IRF1: variants seen among roughly 807,000 people sequenced by gnomAD.
The protein encoded by IRF1 is interferon regulatory factor-1.
Under a neutral mutation model 43.7 loss-of-function variants are expected in IRF1, and 13 were observed. The observed-to-expected ratio is 0.30, with a 90% CI of 0.19 to 0.47. The LOEUF is 0.47. Among genes scored for constraint, IRF1 ranks in the 20% least tolerant of loss-of-function variants. The pLI is 0.99. For missense variants in IRF1, 236 were observed against 408.9 expected (o/e 0.58, Z 3.65); for synonymous variants, 138 against 146.8 (o/e 0.94, Z 0.43).
Position 132,486,358 on chromosome 5 carries a change from G to C in IRF1, c.560C>G (p.Ala187Gly). The change falls in exon 7 of 10, where the codon GCT becomes GGT. Residue 187 changes from alanine (A) to glycine (G), a missense_variant. Around this residue, in one of 2 missense-constraint regions of IRF1, gnomAD observed 170 missense variants for 251.8 expected, o/e 0.68. Transcript: ENST00000245414. ...CCAGTCGGGGAGAGTGCTGCTGACA[G>C]CACATGGCGACAGTGCTGGGGAACA... Reference protein sequence around the residue: ...QALTPALSPCAVSSTLPDWHI... With the variant: ...QALTPALSPCGVSSTLPDWHI... The C allele has an allele frequency of 6.2e-7, 1 of 1,612,270 alleles. No homozygotes were observed. Among genetic ancestry groups the C allele is most frequent in the Non-Finnish European group, 8.5e-7 (1 of 1,179,970 alleles).
intron 1 of IRF1, 96 bp from the exon 2 acceptor site, chr5:132,489,579 C>T: frequency 2.3e-6 from 2 of 868,776 alleles, no homozygotes; most frequent in South Asian, 2.7e-5. Context: ...ACCCTCCCCT[C>T]ACCTCAGCCA....
chr5:132,489,504 C>CT, intron 1 of IRF1, 21 bp from the exon 2 acceptor site: 1 of 1,601,004 alleles, frequency 6.2e-7, no homozygotes, highest in East Asian at 2.2e-5. Flanking sequence ...AACACAGAGG[C>CT]TCCAGTCTGG....
At chr5:132,488,371 A>C in intron 2 of IRF1, 1 of 244,378 alleles carries the variant, frequency 4.1e-6, no homozygotes, top group Middle Eastern at 1.5e-3. Flanking sequence ...AAGCACCCAC[A>C]TGGAAGTAAG....
At position 132,485,660 on chromosome 5, in the gene IRF1, G is replaced by A; in HGVS notation, c.717+7C>T. ...TTCAAGAGTGCCCAGGTAGGAAGGG[G>A]CTTTACCTTCATGATGTCCTCAGGT... is the stretch of plus-strand genomic sequence containing the variant. On this transcript the variant is annotated splice_region_variant and intron_variant, in intron 8 of 9. Transcript: ENST00000245414. The A allele has an allele frequency of 6.2e-7, 1 of 1,608,070 alleles. No homozygotes were observed. The highest frequency in any genetic ancestry group is 8.5e-7 in the Non-Finnish European group (1 of 1,174,528).
At chr5:132,489,108 T>C (rs571833697) in intron 2 of IRF1, 1 of 366,410 alleles carries the variant, frequency 2.7e-6, no homozygotes, top group African/African-American at 2.1e-5. Flanking sequence ...GGGTCTCGCT[T>C]AGAGGAGAGC....
At chr5:132,486,769 G>T in intron 5 of IRF1, 26 bp downstream of exon 5, 1 of 1,614,190 alleles carries the variant, frequency 6.2e-7, no homozygotes, top group Non-Finnish European at 8.5e-7. Flanking sequence ...GTGACCAAAG[G>T]CCTGGCTGCT....
chr5:132,488,058 T>C (rs375288471), intron 2 of IRF1, 33 bp from the exon 3 acceptor site: 1 of 1,529,778 alleles, frequency 6.5e-7, no homozygotes, highest in Admixed American at 1.7e-5. Context: ...TAAGGCTGTG[T>C]CAGGTCAGAG....
In IRF1 at chr5:132,486,310, G is replaced by A. The variant is rs146891501; in HGVS notation, c.608C>T (p.Pro203Leu). 24 of 1,613,238 alleles carry A rather than the reference G, an allele frequency of 1.5e-5. No homozygotes were observed. Among genetic ancestry groups the A allele is most frequent in the African/African-American group, 5.3e-5 (4 of 74,932 alleles). ...GTTGTACAGATCACTGGTGCTGTCC[G>A]GCACAACTTCCACTGGGATGTGCCA... is the stretch of plus-strand genomic sequence containing the variant. ...PDWHIPVEVV[P>L]DSTSDLYNFQ... Residue 203 changes from proline to leucine, a missense_variant, in exon 7 of 10, where the codon CCG (proline) becomes CTG (leucine). By Grantham distance (98) the Pro-to-Leu change is moderately conservative. Transcript: ENST00000245414.
At position 132,484,364 on chromosome 5, in the gene IRF1, C is replaced by A. The variant is rs775766689; in HGVS notation, c.851G>T (p.Gly284Val). 29 of 1,613,984 alleles carry A rather than the reference C, an allele frequency of 1.8e-5. No homozygotes were observed. Among genetic ancestry groups the A allele is most frequent in the African/African-American group, 2.7e-5 (2 of 74,912 alleles). The change falls in exon 9 of 10, where the codon GGG (glycine) becomes GTG (valine). Residue 284 changes from glycine to valine, a missense_variant and splice_region_variant. Gly to Val is a moderately radical substitution (Grantham distance 109). Coordinates refer to ENST00000245414, the MANE Select transcript of IRF1 (RefSeq NM_002198.3). ...CKEEPEIDSP[G>V]GDIGLSLQRV... ...ATAAGGATCCAGGGCCTTCTTACCC[C>A]CTGGGCTGTCAATTTCTGGCTCCTC...
At chr5:132,489,320 T>C in intron 2 of IRF1, 72 bp downstream of exon 2, 1 of 1,150,322 alleles carries the variant, frequency 8.7e-7, no homozygotes, top group Non-Finnish European at 1.3e-6. Context: ...TTGAGCTGCA[T>C]CTGAAGCTTT....
At position 132,490,497 on chromosome 5, in the gene IRF1, C is replaced by T. The variant is rs1335549238; in HGVS notation, c.-6+48G>A. On this transcript the variant is annotated intron_variant, in intron 1 of 9. Coordinates refer to ENST00000245414, the MANE Select transcript of IRF1 (RefSeq NM_002198.3). This position sits in a 1 kb window ranked among gnomAD's most constrained non-coding sequence, Gnocchi z 5.8. ...CCCCCACTTCCTGGTGCCCCGCGCG[C>T]CTTTTATTCGACGCCGCCGGTGCCC... 1.3e-5 allele frequency: 2 copies of T among 151,848 alleles called. No homozygotes were observed. The highest frequency in any genetic ancestry group is 2.9e-5 in the Non-Finnish European group (2 of 67,950). 9.4% of individuals were successfully genotyped at this position (151,848 alleles called of 1,614,324 possible).
intron 8 of IRF1, 167 bp downstream of exon 8, chr5:132,485,500 G>A: frequency 1.4e-6 from 1 of 702,572 alleles, no homozygotes. Flanking sequence ...CCTTCCCATG[G>A]TGGCTTTCCC....
intron 8 of IRF1, chr5:132,484,786 AG>A (rs1754475498): frequency 5.8e-6 from 2 of 346,114 alleles, no homozygotes; most frequent in Non-Finnish European, 1.1e-5. Flanking sequence ...ACATAGTAAG[AG>A]GGAATGTGGC....
In IRF1 at chr5:132,489,496, C is replaced by G; in HGVS notation, c.-5-13G>C. The G allele has an allele frequency of 6.2e-7, 1 of 1,607,824 alleles. No homozygotes were observed. Among genetic ancestry groups the G allele is most frequent in the Non-Finnish European group, 8.5e-7 (1 of 1,174,462 alleles). Reference sequence around the variant, plus strand: ...ATGGGCATGTTGGCTGTAAAGAGAACACAGAGGCTCCAGTCTGGAATCTGT... The same window carrying G: ...ATGGGCATGTTGGCTGTAAAGAGAAGACAGAGGCTCCAGTCTGGAATCTGT... On this transcript the variant is annotated splice_polypyrimidine_tract_variant and intron_variant, in intron 1 of 9. Coordinates refer to ENST00000245414, the MANE Select transcript of IRF1 (RefSeq NM_002198.3).
At chr5:132,486,479 G>C (rs1561604284) in intron 6 of IRF1, 78 bp downstream of exon 6, 1 of 1,611,628 alleles carries the variant, frequency 6.2e-7, no homozygotes, top group Non-Finnish European at 8.5e-7. Context: ...GGGCCACCAT[G>C]TGCCAGCACC....
In IRF1 at chr5:132,486,273, T is replaced by C. The variant is rs1430829149; in HGVS notation, c.645A>G (p.Ser215=). ...AACCTTCAGAGGTGGAGGGCATGGG[T>C]GACACCTGGAAGTTGTACAGATCAC... ...STSDLYNFQV[S]PMPSTSEATT... is the part of the protein sequence containing the mutation. Residue 215 remains serine (S), a synonymous_variant, in exon 7 of 10, where the codon TCA becomes TCG. Coordinates refer to ENST00000245414, the MANE Select transcript of IRF1 (RefSeq NM_002198.3). The C allele has an allele frequency of 1.2e-6, 2 of 1,613,412 alleles. No homozygotes were observed. Among genetic ancestry groups the C allele is most frequent in the African/African-American group, 1.3e-5 (1 of 75,006 alleles).
intron 8 of IRF1, chr5:132,485,433 T>G: frequency 1.8e-6 from 1 of 562,738 alleles, no homozygotes; most frequent in East Asian, 3.0e-5. Context: ...AGCTGTCTGA[T>G]GCCCCAAGGC....
intron 9 of IRF1, 57 bp downstream of exon 9, chr5:132,484,305 C>T (rs1331444084): frequency 1.3e-6 from 2 of 1,596,730 alleles, no homozygotes; most frequent in African/African-American, 2.7e-5. Context: ...AAGCTTTCTC[C>T]ATCCCTACGT....
Position 132,486,581 on chromosome 5 carries a change from C to T in IRF1, c.520G>A (p.Glu174Lys). 1 of 1,614,134 alleles carries T rather than the reference C, an allele frequency of 6.2e-7. No individual in the cohort carries two copies. Among genetic ancestry groups the T allele is most frequent in the Admixed American group, 1.7e-5 (1 of 60,018 alleles). ...CCTGGAGTCAGGGCCTGCTCCACCT[C>T]CAAGTCCTGCATGTAGCCTGGAACT... is the stretch of plus-strand genomic sequence containing the variant. ...YTVPGYMQDL[E>K]VEQALTPALS... Residue 174 changes from glutamate to lysine, a missense_variant, in exon 6 of 10, where the codon GAG (glutamate) becomes AAG (lysine). By Grantham distance (56) the Glu-to-Lys change is moderately conservative. Around this residue, in one of 2 missense-constraint regions of IRF1, gnomAD observed 170 missense variants for 251.8 expected, o/e 0.68. Transcript: ENST00000245414.
Sources: allele counts gnomAD v4.1 joint callset, GRCh38; gene constraint gnomAD v4.1.1; regional missense constraint gnomAD v4.1.1; non-coding constraint Gnocchi (gnomAD v3.1); transcripts MANE v1.5; gene names NCBI Gene and HGNC (gene_info 2026-07-23, HGNC 2026-07-21).